Variants in ALCAM observed in about 807,000 individuals in gnomAD.
ALCAM encodes activated leukocyte cell adhesion molecule, also known as CD166 antigen.
In ALCAM, 30 loss-of-function variants were observed where a neutral mutation model predicts 70.9. The ratio of observed to expected loss-of-function variants is 0.42; its 90% CI spans 0.32 to 0.57. The LOEUF (loss-of-function observed/expected upper bound fraction) is 0.57, where lower values mean the gene tolerates loss of function less well. Among genes scored for constraint, ALCAM ranks in the 20% least tolerant of loss-of-function variants. ALCAM has a pLI of 0.11. For synonymous variants in ALCAM, 249 were observed against 242.5 expected (o/e 1.03, Z -0.25); for missense variants, 591 against 695.1 (o/e 0.85, Z 1.68).
At chr3:105,429,896 T>A (rs1355993250) in intron 1 of ALCAM, among the ~76,000 whole-genome samples, 3 of 151,928 alleles carry the variant, frequency 2.0e-5, no homozygotes, top group African/African-American at 7.2e-5. Context: ...AATTATAAAT[T>A]TTTGAACTTT....
intron 1 of ALCAM, among the ~76,000 whole-genome samples, chr3:105,412,856 T>C (rs1936423099): frequency 6.6e-6 from 1 of 152,038 alleles, no homozygotes; most frequent in African/African-American, 2.4e-5. Context: ...AACTGATGGG[T>C]GTGTTAATAG....
chr3:105,439,418 A>T (rs1396293014), intron 1 of ALCAM: 2 of 152,124 alleles, frequency 1.3e-5, no homozygotes, highest in Non-Finnish European at 2.9e-5. Flanking sequence ...CATGGAAAAA[A>T]AAAACCTCCT....
At position 105,524,341 on chromosome 3, in the gene ALCAM, A is replaced by G. The variant is rs771346909; in HGVS notation, c.227A>G (p.Lys76Arg). The G allele has an allele frequency of 1.9e-6, 3 of 1,614,172 alleles. No homozygotes were observed. Among genetic ancestry groups the G allele is most frequent in the Non-Finnish European group, 2.5e-6 (3 of 1,180,006 alleles). The change falls in exon 3 of 16, where the codon AAA becomes AGA. Residue 76 changes from lysine (K) to arginine (R), a missense_variant. This residue lies in a region of ALCAM where 427 missense variants were observed against 450.4 expected (regional missense o/e 0.95). Transcript: ENST00000306107. ...VFIAFRSSTK[K>R]SVQYDDVPEY... ...ATTGCCTTCAGATCCTCTACAAAGAAAAGTGTGCAGTACGACGATGTACCA... is the reference window on the plus strand; with the variant it reads ...ATTGCCTTCAGATCCTCTACAAAGAGAAGTGTGCAGTACGACGATGTACCA...
intron 1 of ALCAM, among the ~76,000 whole-genome samples, chr3:105,397,555 C>T (rs548718065): frequency 6.6e-6 from 1 of 151,890 alleles, no homozygotes; most frequent in South Asian, 2.1e-4. Flanking sequence ...ATAATATATT[C>T]ATGAATAGGT....
At chr3:105,418,135 C>T (rs1412744120) in intron 1 of ALCAM, among the ~76,000 whole-genome samples, 1 of 151,708 alleles carries the variant, frequency 6.6e-6, no homozygotes, top group Non-Finnish European at 1.5e-5. Flanking sequence ...GTCTTTCTTA[C>T]AAAGGCCTTT....
At chr3:105,481,824 T>A (rs1938279113) in intron 1 of ALCAM, among the ~76,000 whole-genome samples, 1 of 152,156 alleles carries the variant, frequency 6.6e-6, no homozygotes, top group Non-Finnish European at 1.5e-5. Context: ...ATTTCCTAAT[T>A]TTTTCCTTAT....
intron 14 of ALCAM, among the ~76,000 whole-genome samples, chr3:105,570,660 T>G (rs189621340): frequency 2.9e-3 from 441 of 152,256 alleles, no homozygotes; most frequent in Non-Finnish European, 4.7e-3. Flanking sequence ...ATAAATACAT[T>G]GTGGTTTATT....
At chr3:105,543,163 C>T (rs1028878977) in intron 8 of ALCAM, among the ~76,000 whole-genome samples, 1 of 151,534 alleles carries the variant, frequency 6.6e-6, no homozygotes, top group African/African-American at 2.4e-5. Context: ...AAGAAAAGGG[C>T]TCTTATTTAC....
chr3:105,562,104 C>T (rs1169020482), intron 14 of ALCAM, among the ~76,000 whole-genome samples: 1 of 152,218 alleles, frequency 6.6e-6, no homozygotes, highest in Non-Finnish European at 1.5e-5. Context: ...CACCCTAAGA[C>T]TGACTAGTGT....
At chr3:105,552,362 C>T in intron 13 of ALCAM, 106 bp from the exon 14 acceptor site, 4 of 1,314,852 alleles carry the variant, frequency 3.0e-6, no homozygotes, top group Non-Finnish European at 3.2e-6. Context: ...ATGTTAATTA[C>T]TGTAGTGAGC....
At chr3:105,421,942 A>G (rs1936660822) in intron 1 of ALCAM, among the ~76,000 whole-genome samples, 1 of 151,240 alleles carries the variant, frequency 6.6e-6, no homozygotes, top group Non-Finnish European at 1.5e-5. Context: ...CAGTCAGCCA[A>G]GTAGTGTTTA....
chr3:105,421,143 C>T (rs1040525346), intron 1 of ALCAM, among the ~76,000 whole-genome samples: 2 of 151,392 alleles, frequency 1.3e-5, no homozygotes, highest in Non-Finnish European at 3.0e-5. Context: ...TAATAACCCT[C>T]TCAGGTAAGA....
intron 1 of ALCAM, among the ~76,000 whole-genome samples, chr3:105,407,820 C>A (rs894672669): frequency 4.6e-5 from 7 of 152,044 alleles, no homozygotes; most frequent in Non-Finnish European, 4.4e-5. Context: ...ATCCTAAAGA[C>A]TTATTAAGAT....
At chr3:105,436,461 GGGAC>G (rs1937051507) in intron 1 of ALCAM, among the ~76,000 whole-genome samples, 1 of 152,068 alleles carries the variant, frequency 6.6e-6, no homozygotes. Context: ...CCGAGTAGCT[GGGAC>G]TATAGGTGCC....
intron 1 of ALCAM, among the ~76,000 whole-genome samples, chr3:105,378,296 G>A (rs781324032): frequency 2.6e-5 from 4 of 151,874 alleles, no homozygotes; most frequent in Non-Finnish European, 5.9e-5. Context: ...TATTCATAAT[G>A]GAGGTAATGT....
At chr3:105,420,035 T>G (rs186395931) in intron 1 of ALCAM, among the ~76,000 whole-genome samples, 2,832 of 151,734 alleles carry the variant, frequency 0.019, 43 homozygotes, top group Non-Finnish European at 0.026. Context: ...CAAGCACAAA[T>G]AAAAAAACCG....
chr3:105,440,040 T>C (rs1418408831), intron 1 of ALCAM, among the ~76,000 whole-genome samples: 1 of 152,210 alleles, frequency 6.6e-6, no homozygotes, highest in Non-Finnish European at 1.5e-5. Flanking sequence ...AGGAAAAATC[T>C]CACACGCCAT....
At chr3:105,461,904 A>G (rs1284788936) in intron 1 of ALCAM, among the ~76,000 whole-genome samples, 4 of 151,696 alleles carry the variant, frequency 2.6e-5, no homozygotes, top group Non-Finnish European at 4.4e-5. Flanking sequence ...ATGCTTTCCC[A>G]CATAGAGAAA....
intron 1 of ALCAM, among the ~76,000 whole-genome samples, chr3:105,371,051 A>G (rs1935216245): frequency 6.6e-6 from 1 of 152,160 alleles, no homozygotes; most frequent in Non-Finnish European, 1.5e-5. Context: ...ACTTGTAGAA[A>G]TCCAAAATAT....
Sources: allele counts gnomAD v4.1 joint callset (sites outside exome capture counted in the v4.1 genomes callset), GRCh38; gene constraint gnomAD v4.1.1; regional missense constraint gnomAD v4.1.1; transcripts MANE v1.5; gene names NCBI Gene and HGNC (gene_info 2026-07-23, HGNC 2026-07-21).